Variants in TRPC5 observed in about 807,000 individuals in gnomAD.
TRPC5 encodes short transient receptor potential channel 5.
Under a neutral mutation model 56.5 loss-of-function variants are expected in TRPC5, and 9 were observed. The observed-to-expected ratio is 0.16, with a 90% CI of 0.10 to 0.28. The LOEUF (loss-of-function observed/expected upper bound fraction) is 0.28, where lower values mean the gene tolerates loss of function less well. TRPC5 is among the 10% of genes least tolerant of loss of function. The probability of loss-of-function intolerance (pLI) is 1.00; values close to 1 mark genes in which losing one functional copy is unlikely to be tolerated. For missense variants in TRPC5, 469 were observed against 748.9 expected (o/e 0.63, Z 4.36); for synonymous variants, 282 against 278.5 (o/e 1.01, Z -0.13).
intron 7 of TRPC5, among the ~76,000 whole-genome samples, chrX:111,786,649 T>A (rs936789697): frequency 3.6e-5 from 4 of 110,032 alleles, no homozygotes; most frequent in Non-Finnish European, 7.6e-5. Flanking sequence ...GACCCATGAG[T>A]GTGCTGTATT....
At chrX:111,988,535 C>G (rs989200231) in intron 1 of TRPC5, among the ~76,000 whole-genome samples, 15 of 110,542 alleles carry the variant, frequency 1.4e-4, no homozygotes, top group African/African-American at 4.6e-4. Flanking sequence ...TGAACTTGAA[C>G]GTAAAGATTT....
At position 111,781,977 on chromosome X, in the gene TRPC5, G is replaced by A. The variant is rs1263028628; in HGVS notation, c.2058C>T (p.Asp686=). The A allele has an allele frequency of 8.3e-7, 1 of 1,205,290 alleles. No individual in the cohort carries two copies. Among genetic ancestry groups the A allele is most frequent in the African/African-American group, 1.7e-5 (1 of 57,209 alleles). Reference sequence around the variant, plus strand: ...TGCGCCTTCTCCGTCTACCGTCAGGGTCTCTTTTGGGGCAGAAGGTGTTGT... The same window carrying A: ...TGCGCCTTCTCCGTCTACCGTCAGGATCTCTTTTGGGGCAGAAGGTGTTGT... ...WFNNTFCPKR[D]PDGRRRRRNL... is the part of the protein sequence containing the mutation. Residue 686 remains aspartate (D), a synonymous_variant, in exon 8 of 11, where the codon GAC becomes GAT. Coordinates refer to ENST00000262839, the MANE Select transcript of TRPC5 (RefSeq NM_012471.3).
At chrX:112,052,289 T>C (rs1409494663) in intron 1 of TRPC5, among the ~76,000 whole-genome samples, 1 of 104,158 alleles carries the variant, frequency 9.6e-6, no homozygotes, top group Non-Finnish European at 1.9e-5. Context: ...ATACTCTTTA[T>C]TTACTGTTTT....
At chrX:112,045,954 A>G (rs1237332370) in intron 1 of TRPC5, among the ~76,000 whole-genome samples, 4 of 111,392 alleles carry the variant, frequency 3.6e-5, no homozygotes, top group African/African-American at 1.3e-4. Flanking sequence ...CCCACACTCC[A>G]GGGGACATTG....
intron 7 of TRPC5, among the ~76,000 whole-genome samples, chrX:111,817,926 C>T (rs1921913023): frequency 9.0e-6 from 1 of 111,405 alleles, no homozygotes; most frequent in African/African-American, 3.3e-5. Context: ...TCCTGCCACA[C>T]CCCACTTCAC....
chrX:112,070,750 C>A (rs1339286696), intron 1 of TRPC5, among the ~76,000 whole-genome samples: 1 of 95,892 alleles, frequency 1.0e-5, no homozygotes, highest in Admixed American at 1.1e-4. Context: ...CTGAAAACTG[C>A]CCCCCCCCAA....
At chrX:111,826,921 TG>T in intron 7 of TRPC5, among the ~76,000 whole-genome samples, 1 of 111,371 alleles carries the variant, frequency 9.0e-6, no homozygotes, top group Admixed American at 9.5e-5. Flanking sequence ...AGTTCAGAGT[TG>T]TGATAAGATA....
At position 111,918,612 on chromosome X, in the gene TRPC5, G is replaced by C. The variant is rs1926041430; in HGVS notation, c.379-5800C>G. Reference sequence around the variant, plus strand: ...GTGGTTTTGCCAGACGTGAGAAGAAGTTGAGGATGAAGTAGTTCAGGTGAT... The same window carrying C: ...GTGGTTTTGCCAGACGTGAGAAGAACTTGAGGATGAAGTAGTTCAGGTGAT... On this transcript the variant is annotated intron_variant, in intron 2 of 10. Transcript: ENST00000262839. 2.7e-5 allele frequency among the ~76,000 whole-genome samples: 3 copies of C among 111,028 alleles called. No homozygotes were observed. In the Admixed American group the frequency reaches 2.9e-4, roughly 11 times the overall value.
At chrX:111,894,750 G>A (rs890536711) in intron 3 of TRPC5, among the ~76,000 whole-genome samples, 1 of 111,461 alleles carries the variant, frequency 9.0e-6, no homozygotes, top group Admixed American at 9.5e-5. Flanking sequence ...TTGAGGTATG[G>A]CATGCATATA....
chrX:111,799,231 GA>G (rs975164253), intron 7 of TRPC5, among the ~76,000 whole-genome samples: 1 of 110,987 alleles, frequency 9.0e-6, no homozygotes, highest in Non-Finnish European at 1.9e-5. Context: ...AGCCCTGAAG[GA>G]AAAAAATAAA....
chrX:111,828,691 G>A (rs1922312410), intron 7 of TRPC5, among the ~76,000 whole-genome samples: 1 of 111,633 alleles, frequency 9.0e-6, no homozygotes, highest in African/African-American at 3.3e-5. Context: ...GAAGGAAAAT[G>A]TGGGAAAATT....
At chrX:111,999,297 C>T (rs1928634056) in intron 1 of TRPC5, among the ~76,000 whole-genome samples, 1 of 111,775 alleles carries the variant, frequency 8.9e-6, no homozygotes, top group African/African-American at 3.3e-5. Context: ...CTCTTGGAAA[C>T]ACTATTTTAC....
At chrX:111,824,266 G>A (rs1395248879) in intron 7 of TRPC5, among the ~76,000 whole-genome samples, 3 of 108,202 alleles carry the variant, frequency 2.8e-5, no homozygotes, top group Non-Finnish European at 5.7e-5. Context: ...ACCCTTGGGC[G>A]AGTCACTTTT....
At chrX:111,963,659 G>A (rs1225860746) in intron 1 of TRPC5, among the ~76,000 whole-genome samples, 2 of 111,440 alleles carry the variant, frequency 1.8e-5, no homozygotes, top group East Asian at 2.8e-4. Context: ...CAGCATTTGC[G>A]GTTCACCAAT....
At chrX:111,869,475 T>G (rs1011294976) in intron 3 of TRPC5, among the ~76,000 whole-genome samples, 1 of 112,107 alleles carries the variant, frequency 8.9e-6, no homozygotes, top group African/African-American at 3.2e-5. Flanking sequence ...ACAAAATCAG[T>G]CAACTGGAAG....
intron 1 of TRPC5, among the ~76,000 whole-genome samples, chrX:112,048,117 T>C (rs904858081): frequency 2.7e-5 from 3 of 111,972 alleles, no homozygotes. Flanking sequence ...TGCTCAGCAA[T>C]AGGTGTTTGG....
At chrX:111,798,939 T>C (rs1054488187) in intron 7 of TRPC5, among the ~76,000 whole-genome samples, 1 of 112,155 alleles carries the variant, frequency 8.9e-6, no homozygotes, top group Non-Finnish European at 1.9e-5. Context: ...GAGGTTTGGC[T>C]TTAAAAATGT....
chrX:111,796,161 C>A (rs893892989), intron 7 of TRPC5, among the ~76,000 whole-genome samples: 2 of 111,850 alleles, frequency 1.8e-5, no homozygotes, highest in African/African-American at 3.2e-5. Context: ...CAATTTGATT[C>A]TTTTTTTATC....
At chrX:112,078,738 T>C (rs749368227) in intron 1 of TRPC5, among the ~76,000 whole-genome samples, 111 of 111,978 alleles carry the variant, frequency 9.9e-4, no homozygotes, top group Non-Finnish European at 1.4e-3. Flanking sequence ...TTTCTTTAAA[T>C]CATCTGTGCT....
Sources: allele counts gnomAD v4.1 joint callset (sites outside exome capture counted in the v4.1 genomes callset), GRCh38; gene constraint gnomAD v4.1.1; transcripts MANE v1.5; gene names NCBI Gene and HGNC (gene_info 2026-07-23, HGNC 2026-07-21).